The following RFX7 variants were observed in gnomAD, a reference collection of about 807,000 sequenced individuals.
RFX7 encodes the protein regulatory factor X7.
RFX7 carries 26 observed loss-of-function variants against 111.8 expected under a neutral mutation model. That is an observed-to-expected ratio of 0.23 (90% confidence interval 0.17 to 0.32). The LOEUF (loss-of-function observed/expected upper bound fraction) is 0.32. Among genes scored for constraint, RFX7 ranks in the 10% least tolerant of loss-of-function variants. The pLI is 1.00. For synonymous variants in RFX7, 624 were observed against 624.4 expected (o/e 1.00, Z 0.01); for missense variants, 1,573 against 1,772.9 (o/e 0.89, Z 2.02).
intron 3 of RFX7, among the ~76,000 whole-genome samples, chr15:56,161,468 T>A (rs1038145715): frequency 5.3e-5 from 8 of 152,032 alleles, no homozygotes; most frequent in Non-Finnish European, 8.8e-5. Context: ...TTATATTACA[T>A]TATAAAAGAA....
At position 56,094,178 on chromosome 15, in the gene RFX7, G is replaced by C. The variant is rs1227658050; in HGVS notation, c.3550C>G (p.Pro1184Ala). ...TTAGATCGTGGGATATTAGATACTG[G>C]ATAGAGGGTGCTTCCACTAAGATTA... Reference protein sequence around the residue: ...QRNLSGSTLYPVSNIPRSNVT... With the variant: ...QRNLSGSTLYAVSNIPRSNVT... The change falls in exon 10 of 10, where the codon CCA (proline) becomes GCA (alanine). Residue 1184 changes from proline to alanine, a missense_variant. Transcript: ENST00000559447. 6.2e-7 allele frequency: 1 copy of C among 1,613,936 alleles called. No individual in the cohort carries two copies. Among genetic ancestry groups the C allele is most frequent in the Non-Finnish European group, 8.5e-7 (1 of 1,179,872 alleles).
At position 56,091,545 on chromosome 15, in the gene RFX7, CT is replaced by C. The variant is rs540405323; in HGVS notation, c.*1799del. ...GGGATTAGAATGGCCTCAAAATCTC[CT>C]TTTCAGAGTATCTCATAAAGAAAGG... is the stretch of plus-strand genomic sequence containing the variant. On this transcript the variant is annotated 3_prime_UTR_variant, in exon 10 of 10. Coordinates refer to ENST00000559447, the MANE Select transcript of RFX7 (RefSeq NM_022841.7). The C allele has an allele frequency of 5.8e-4, 89 of 152,514 alleles. No individual in the cohort carries two copies. Among genetic ancestry groups the C allele is most frequent in the African/African-American group, 2.1e-3 (86 of 41,542 alleles). 9.4% of individuals were successfully genotyped at this position (152,514 alleles called of 1,614,324 possible). A position where few individuals can be genotyped will look rare whatever the true frequency, so the allele number is the denominator to read the frequency against.
chr15:56,179,482 T>C (rs2042941006), intron 2 of RFX7, among the ~76,000 whole-genome samples, 179 bp from the exon 3 acceptor site: 1 of 152,142 alleles, frequency 6.6e-6, no homozygotes, highest in Non-Finnish European at 1.5e-5. Context: ...CAAAAATCTA[T>C]TTCCCATTTA....
At position 56,243,608 on chromosome 15, in the gene RFX7, G is replaced by T. The variant is rs1186560346; in HGVS notation, c.-166C>A. 21 of 409,388 alleles carry T rather than the reference G, an allele frequency of 5.1e-5. No homozygotes were observed. Among genetic ancestry groups the T allele is most frequent in the Admixed American group, 2.6e-4 (4 of 15,480 alleles). 25.4% of individuals were successfully genotyped at this position (409,388 alleles called of 1,614,324 possible). Reference sequence around the variant, plus strand: ...CCTCCCGTCAGCGGCCGGGGCTGTGGGGGGGTGAGATGGGGGCGTTTGAAG... The same window carrying T: ...CCTCCCGTCAGCGGCCGGGGCTGTGTGGGGGTGAGATGGGGGCGTTTGAAG... On this transcript the variant is annotated 5_prime_UTR_variant, in exon 1 of 10. Transcript: ENST00000559447.
chr15:56,115,833 G>A (rs549436049), intron 5 of RFX7, among the ~76,000 whole-genome samples: 42 of 151,946 alleles, frequency 2.8e-4, no homozygotes, highest in African/African-American at 8.7e-4. Flanking sequence ...TCTCAGCTAC[G>A]TGGGAGGCTG....
intron 3 of RFX7, among the ~76,000 whole-genome samples, chr15:56,168,257 T>C (rs534965621): frequency 8.5e-5 from 13 of 152,344 alleles, no homozygotes; most frequent in African/African-American, 1.9e-4. Context: ...GTCTGCCTCA[T>C]AGTAATTAAT....
chr15:56,087,377 C>G lies in RFX7; in HGVS notation c.*5968G>C. On this transcript the variant is annotated 3_prime_UTR_variant, in exon 10 of 10. Coordinates refer to ENST00000559447, the MANE Select transcript of RFX7 (RefSeq NM_022841.7). ...TGGGCATCTTCCCTTCCAAAGTCAT[C>G]ATGCCCTGGGCTCCTTGTATCTTGT... 2.2e-6 allele frequency: 1 copy of G among 455,640 alleles called. No homozygotes were observed. Among genetic ancestry groups the G allele is most frequent in the East Asian group, 7.0e-5 (1 of 14,384 alleles). The allele number at this position is 455,640 out of a possible 1,614,324, so 28.2% of individuals were successfully genotyped here. A position where few individuals can be genotyped will look rare whatever the true frequency, so the allele number is the denominator to read the frequency against.
In RFX7 at chr15:56,243,431, A is replaced by C; in HGVS notation, c.-3+14T>G. 8.8e-7 allele frequency: 1 copy of C among 1,142,176 alleles called. No homozygotes were observed. The highest frequency in any genetic ancestry group is 1.7e-5 in the South Asian group (1 of 59,170). 70.8% of individuals were successfully genotyped at this position (1,142,176 alleles called of 1,614,324 possible). ...GGAGGAGGAGGAAGGAAGCTGGATA[A>C]GCTAGGCCTTTACCCCAGGGCTCGA... On this transcript the variant is annotated intron_variant, in intron 1 of 9. Transcript: ENST00000559447.
chr15:56,102,592 C>T (rs1365283907), intron 6 of RFX7, among the ~76,000 whole-genome samples: 1 of 152,166 alleles, frequency 6.6e-6, no homozygotes, highest in Non-Finnish European at 1.5e-5. Flanking sequence ...AAACCTGGCA[C>T]AGGGAAGGGA....
intron 2 of RFX7, among the ~76,000 whole-genome samples, chr15:56,218,107 T>C (rs1237832778): frequency 6.6e-6 from 1 of 151,850 alleles, no homozygotes; most frequent in Non-Finnish European, 1.5e-5. Context: ...AGCATTTACA[T>C]TGTATTAGGT....
In RFX7 at chr15:56,092,456, T is replaced by C. The variant is rs1595916790; in HGVS notation, c.*889A>G. ...GTAAATCTCAGTTAGAATCTCAATA[T>C]GTACATGCAGCCATTGTGATGAAAC... On this transcript the variant is annotated 3_prime_UTR_variant, in exon 10 of 10. Transcript: ENST00000559447. 2 of 152,216 alleles carry C rather than the reference T, an allele frequency of 1.3e-5. No individual in the cohort carries two copies. Among genetic ancestry groups the C allele is most frequent in the Admixed American group, 6.5e-5 (1 of 15,274 alleles). 9.4% of individuals were successfully genotyped at this position (152,216 alleles called of 1,614,324 possible). A position where few individuals can be genotyped will look rare whatever the true frequency, so the allele number is the denominator to read the frequency against.
intron 2 of RFX7, among the ~76,000 whole-genome samples, chr15:56,183,613 ACT>A (rs1431172040): frequency 6.6e-6 from 1 of 152,090 alleles, no homozygotes; most frequent in Non-Finnish European, 1.5e-5. Context: ...CAAATTTATT[ACT>A]GTTATAAAAT....
At chr15:56,151,302 C>A (rs1356953500) in intron 3 of RFX7, among the ~76,000 whole-genome samples, 1 of 152,088 alleles carries the variant, frequency 6.6e-6, no homozygotes, top group Non-Finnish European at 1.5e-5. Flanking sequence ...GTAAGGGCAG[C>A]CAGACAGAAA....
chr15:56,211,475 T>C (rs1483373980), intron 2 of RFX7, among the ~76,000 whole-genome samples: 1 of 152,018 alleles, frequency 6.6e-6, no homozygotes, highest in Non-Finnish European at 1.5e-5. Context: ...GAAGAAAAAC[T>C]AGATGACCTT....
chr15:56,229,391 G>A (rs1227160995), intron 2 of RFX7, among the ~76,000 whole-genome samples: 9 of 152,168 alleles, frequency 5.9e-5, no homozygotes, highest in African/African-American at 1.7e-4. Context: ...TCAGCCTCCC[G>A]AGTTGCTGGG....
intron 3 of RFX7, among the ~76,000 whole-genome samples, chr15:56,157,086 A>G (rs1255296724): frequency 1.3e-5 from 2 of 152,224 alleles, no homozygotes; most frequent in African/African-American, 4.8e-5. Context: ...AAATATGCGG[A>G]TATTTATCAG....
chr15:56,135,712 A>T (rs1490248780), intron 5 of RFX7, among the ~76,000 whole-genome samples: 2 of 151,878 alleles, frequency 1.3e-5, no homozygotes, highest in East Asian at 1.9e-4. Context: ...CTGAATGGTA[A>T]TGCCTAGGTT....
chr15:56,243,172 T>G lies in RFX7; in HGVS notation c.114A>C (p.Pro38=). 7.4e-7 allele frequency: 1 copy of G among 1,356,688 alleles called. No homozygotes were observed. The highest frequency in any genetic ancestry group is 9.8e-7 in the Non-Finnish European group (1 of 1,017,518). The allele number at this position is 1,356,688 out of a possible 1,614,324, so 84.0% of individuals were successfully genotyped here. ...GTTGCAGCGCGCTGGCCTCTGTCCC[T>G]GGCAGCCCGGGCACAAGGGCTGGCA... ...VALPALVPGL[P]GTEASALQHK... is the part of the protein sequence containing the mutation. Residue 38 remains proline, a synonymous_variant, in exon 2 of 10, where the codon CCA becomes CCC. Coordinates refer to ENST00000559447, the MANE Select transcript of RFX7 (RefSeq NM_022841.7).
intron 2 of RFX7, among the ~76,000 whole-genome samples, chr15:56,225,744 T>C (rs992050169): frequency 6.6e-6 from 1 of 152,170 alleles, no homozygotes; most frequent in African/African-American, 2.4e-5. Flanking sequence ...CATAACCGTT[T>C]CCTTCTATAA....
Sources: allele counts gnomAD v4.1 joint callset (sites outside exome capture counted in the v4.1 genomes callset), GRCh38; gene constraint gnomAD v4.1.1; transcripts MANE v1.5; gene names NCBI Gene and HGNC (gene_info 2026-07-23, HGNC 2026-07-21).